IRS2: variants seen among roughly 807,000 people sequenced by gnomAD.
IRS2 encodes the protein insulin receptor substrate 2.
Under a neutral mutation model 70.9 loss-of-function variants are expected in IRS2, and 28 were observed. The observed-to-expected ratio is 0.39, with a 90% CI of 0.29 to 0.54. The LOEUF (loss-of-function observed/expected upper bound fraction) is 0.54. Ranked by LOEUF, IRS2 falls within the 20% of genes least tolerant of loss-of-function variation. The probability of loss-of-function intolerance (pLI) is 0.59; values close to 1 mark genes in which losing one functional copy is unlikely to be tolerated. For synonymous variants in IRS2, 1,217 were observed against 981.9 expected (o/e 1.24, Z -4.48); for missense variants, 2,081 against 2,024.1 (o/e 1.03, Z -0.54).
chr13:109,778,883 C>T (rs1877636318), intron 1 of IRS2, among the ~76,000 whole-genome samples: 1 of 152,142 alleles, frequency 6.6e-6, no homozygotes, highest in African/African-American at 2.4e-5. Flanking sequence ...CATCCTAACA[C>T]AAAAACATAT....
In IRS2 at chr13:109,782,550, G is replaced by T; in HGVS notation, c.3504C>A (p.Asn1168Lys). 6.4e-7 allele frequency: 1 copy of T among 1,563,490 alleles called. No individual in the cohort carries two copies. Among genetic ancestry groups the T allele is most frequent in the Non-Finnish European group, 8.7e-7 (1 of 1,154,234 alleles). ...VTPVSPSFAHNPKRHNSASVE... is the reference protein window; with the variant it reads ...VTPVSPSFAHKPKRHNSASVE... ...CGGAGGCCGAGTTGTGGCGCTTGGGGTTGTGGGCGAAGGACGGGGACACGG... is the reference window on the plus strand; with the variant it reads ...CGGAGGCCGAGTTGTGGCGCTTGGGTTTGTGGGCGAAGGACGGGGACACGG... The change falls in exon 1 of 2, where the codon AAC becomes AAA. Residue 1168 changes from asparagine (N) to lysine (K), a missense_variant. By Grantham distance (94) the Asn-to-Lys change is moderately conservative. This residue lies in a region of IRS2 where 1,615 missense variants were observed against 1,459.5 expected (regional missense o/e 1.11). Transcript: ENST00000375856.
intron 1 of IRS2, among the ~76,000 whole-genome samples, chr13:109,777,331 C>T (rs558745390): frequency 2.0e-5 from 3 of 152,262 alleles, no homozygotes; most frequent in East Asian, 3.9e-4. Context: ...CTTAGAACTA[C>T]GTTTCTAAAG....
In IRS2 at chr13:109,785,645, G is replaced by C. The variant is rs1229191398; in HGVS notation, c.409C>G (p.Arg137Gly). The change falls in exon 1 of 2, where the codon CGC becomes GGC. Residue 137 changes from arginine (R) to glycine (G), a missense_variant. By Grantham distance (125) the Arg-to-Gly change is moderately radical (BLOSUM62 -2). Around this residue, in one of 4 missense-constraint regions of IRS2, gnomAD observed 320 missense variants for 352.9 expected, o/e 0.91. Transcript: ENST00000375856. The surrounding 1 kb of genome is among the most constrained non-coding windows in gnomAD (Gnocchi z 9.3). ...ENEQEQEGWY[R>G]ALTDLVSEGR... ...TCGCTGACCAGGTCGGTGAGCGCGC[G>C]GTACCAGCCCTCCTGCTCCTGCTCG... is the stretch of plus-strand genomic sequence containing the variant. The C allele has an allele frequency of 1.9e-6, 3 of 1,557,272 alleles. No individual in the cohort carries two copies. Among genetic ancestry groups the C allele is most frequent in the South Asian group, 1.2e-5 (1 of 85,668 alleles).
At chr13:109,774,888 G>A (rs546921192) in intron 1 of IRS2, among the ~76,000 whole-genome samples, 18 of 152,204 alleles carry the variant, frequency 1.2e-4, no homozygotes, top group South Asian at 2.1e-4. Flanking sequence ...GCAGTTATCC[G>A]TCAATATTGA....
In IRS2 at chr13:109,754,410, AT is replaced by A. The variant is rs1317479840; in HGVS notation, c.*1893del. On this transcript the variant is annotated 3_prime_UTR_variant, in exon 2 of 2. Coordinates refer to ENST00000375856, the MANE Select transcript of IRS2 (RefSeq NM_003749.3). The stretch of plus-strand genomic sequence containing the variant: ...TAGAGGGCGAGTTAAATATGCGTCA[AT>A]ACACTGCTTTCAGCAGGGTCCATAT... 9.6e-6 allele frequency: 2 copies of A among 209,416 alleles called. No individual in the cohort carries two copies. Among genetic ancestry groups the A allele is most frequent in the Non-Finnish European group, 1.9e-5 (2 of 103,180 alleles). The allele number at this position is 209,416 out of a possible 1,614,324, so 13.0% of individuals were successfully genotyped here. A position where few individuals can be genotyped will look rare whatever the true frequency, so the allele number is the denominator to read the frequency against.
intron 1 of IRS2, among the ~76,000 whole-genome samples, chr13:109,762,563 C>A (rs1055209465): frequency 6.6e-6 from 1 of 152,118 alleles, no homozygotes; most frequent in African/African-American, 2.4e-5. Flanking sequence ...CACAGTGAAC[C>A]ACTAGCTCTT....
chr13:109,765,676 C>A (rs75453923), intron 1 of IRS2, among the ~76,000 whole-genome samples: 408 of 8,298 alleles, frequency 0.049, 43 homozygotes, highest in Middle Eastern at 0.33. Context: ...TCCCAGCCTC[C>A]TCCACCTTGG....
rs780022210 is a variant in IRS2, at chr13:109,785,109, G to C, written c.945C>G (p.His315Gln). Residue 315 changes from histidine to glutamine, a missense_variant, in exon 1 of 2, where the codon CAC (histidine) becomes CAG (glutamine). Coordinates refer to ENST00000375856, the MANE Select transcript of IRS2 (RefSeq NM_003749.3). The surrounding 1 kb of genome is among the most constrained non-coding windows in gnomAD (Gnocchi z 9.3). ...GGCGCGCGCCGGGGACGCTGATGGGGTGCGTGGCCGACGACCCCGACGATT... is the reference window on the plus strand; with the variant it reads ...GGCGCGCGCCGGGGACGCTGATGGGCTGCGTGGCCGACGACCCCGACGATT... Reference protein sequence around the residue: ...KSQSSGSSATHPISVPGARRH... With the variant: ...KSQSSGSSATQPISVPGARRH... 6.3e-7 allele frequency: 1 copy of C among 1,591,446 alleles called. No homozygotes were observed. The highest frequency in any genetic ancestry group is 8.5e-7 in the Non-Finnish European group (1 of 1,170,090).
intron 1 of IRS2, among the ~76,000 whole-genome samples, chr13:109,764,976 G>A (rs1877304111): frequency 6.6e-6 from 1 of 152,182 alleles, no homozygotes; most frequent in African/African-American, 2.4e-5. Context: ...TTCATGTCCT[G>A]AGGACAGGAC....
chr13:109,768,996 G>A (rs1566407635), intron 1 of IRS2, among the ~76,000 whole-genome samples: 2 of 152,292 alleles, frequency 1.3e-5, no homozygotes, highest in African/African-American at 2.4e-5. Flanking sequence ...CGCTACAAAC[G>A]TTAAGTTTTC....
intron 1 of IRS2, among the ~76,000 whole-genome samples, chr13:109,764,710 G>A (rs1222323142): frequency 6.6e-6 from 1 of 152,156 alleles, no homozygotes; most frequent in African/African-American, 2.4e-5. Flanking sequence ...AGCCACAGTG[G>A]TGTCTCTTAG....
At position 109,755,323 on chromosome 13, in the gene IRS2, G is replaced by A. The variant is rs1224382331; in HGVS notation, c.*981C>T. ...TTTAAAAATCAAATCTGCCAAACCC[G>A]GACCACCCTGGAATTGCTAGCACGC... On this transcript the variant is annotated 3_prime_UTR_variant, in exon 2 of 2. Coordinates refer to ENST00000375856, the MANE Select transcript of IRS2 (RefSeq NM_003749.3). 1.3e-5 allele frequency: 3 copies of A among 223,262 alleles called. No individual in the cohort carries two copies. The highest frequency in any genetic ancestry group is 1.2e-4 in the Admixed American group (2 of 17,122). The allele number at this position is 223,262 out of a possible 1,614,324, so 13.8% of individuals were successfully genotyped here.
chr13:109,769,236 T>C (rs1877400074), intron 1 of IRS2, among the ~76,000 whole-genome samples: 1 of 152,216 alleles, frequency 6.6e-6, no homozygotes, highest in Non-Finnish European at 1.5e-5. Flanking sequence ...ACCATGATGA[T>C]GGAATTGATG....
At position 109,755,711 on chromosome 13, in the gene IRS2, G is replaced by A. The variant is rs978041239; in HGVS notation, c.*593C>T. ...CGTAAACATCGCAGGTACCTGCACT[G>A]GAATCCAACAAGCAGCTGTCTACTT... On this transcript the variant is annotated 3_prime_UTR_variant, in exon 2 of 2. Coordinates refer to ENST00000375856, the MANE Select transcript of IRS2 (RefSeq NM_003749.3). 4.9e-6 allele frequency: 1 copy of A among 205,340 alleles called. No homozygotes were observed. Among genetic ancestry groups the A allele is most frequent in the Non-Finnish European group, 1.0e-5 (1 of 100,222 alleles). 12.7% of individuals were successfully genotyped at this position (205,340 alleles called of 1,614,324 possible).
At chr13:109,769,220 A>G (rs1442058433) in intron 1 of IRS2, among the ~76,000 whole-genome samples, 1 of 152,222 alleles carries the variant, frequency 6.6e-6, no homozygotes, top group Non-Finnish European at 1.5e-5. Flanking sequence ...ACCCAGGGAT[A>G]CCACCACCAT....
chr13:109,764,813 C>T (rs1249654190), intron 1 of IRS2, among the ~76,000 whole-genome samples: 1 of 152,186 alleles, frequency 6.6e-6, no homozygotes, highest in African/African-American at 2.4e-5. Context: ...TAAACAACTG[C>T]CGAATGCACA....
intron 1 of IRS2, among the ~76,000 whole-genome samples, chr13:109,777,621 T>C (rs1211033704): frequency 6.6e-6 from 1 of 152,156 alleles, no homozygotes; most frequent in Admixed American, 6.5e-5. Flanking sequence ...ACCCCCAGAC[T>C]AAACAATGAG....
chr13:109,753,874 T>C lies in IRS2; in HGVS notation c.*2430A>G, dbSNP rs1470233975. 1 of 228,960 alleles carries C rather than the reference T, an allele frequency of 4.4e-6. No homozygotes were observed. Among genetic ancestry groups the C allele is most frequent in the African/African-American group, 2.2e-5 (1 of 45,136 alleles). The allele number at this position is 228,960 out of a possible 1,614,324, so 14.2% of individuals were successfully genotyped here. A position where few individuals can be genotyped will look rare whatever the true frequency, so the allele number is the denominator to read the frequency against. On this transcript the variant is annotated 3_prime_UTR_variant, in exon 2 of 2. Transcript: ENST00000375856. ...ATAATGTACTTTATTTTATTGCATA[T>C]GGCTATTAAGGAGGGCATCCATGAT... is the stretch of plus-strand genomic sequence containing the variant.
intron 1 of IRS2, among the ~76,000 whole-genome samples, chr13:109,767,728 CTTTTTT>C (rs748211544): frequency 1.7e-5 from 2 of 119,800 alleles, no homozygotes; most frequent in Non-Finnish European, 3.4e-5. Flanking sequence ...ACCATTTTTC[CTTTTTT>C]TTTTTTTTTT....
Sources: gnomAD v4.1 joint callset for allele counts (sites outside exome capture counted in the v4.1 genomes callset) on GRCh38, gnomAD v4.1.1 for gene constraint, gnomAD v4.1.1 regional missense constraint, Gnocchi (gnomAD v3.1) non-coding constraint, MANE v1.5 for transcripts, NCBI Gene and HGNC (gene_info 2026-07-23, HGNC 2026-07-21) for gene names.